The following TUNAR variants were observed in gnomAD, a reference collection of about 807,000 sequenced individuals.
TUNAR encodes protein TUNAR.
chr14:95,892,590 C>CT (rs750121903), intron 2 of TUNAR, among the ~76,000 whole-genome samples: 2 of 152,228 alleles, frequency 1.3e-5, no homozygotes, highest in Non-Finnish European at 2.9e-5. Flanking sequence ...TGGCCTGATT[C>CT]TTTTTCCCCA....
intron 2 of TUNAR, among the ~76,000 whole-genome samples, chr14:95,878,050 T>G (rs1264935439): frequency 6.6e-6 from 1 of 152,226 alleles, no homozygotes; most frequent in Non-Finnish European, 1.5e-5. Context: ...TACCTGCCCC[T>G]GGTTTTGTAA....
chr14:95,899,464 A>G (rs952681413), intron 2 of TUNAR, among the ~76,000 whole-genome samples: 28 of 152,256 alleles, frequency 1.8e-4, no homozygotes, highest in African/African-American at 6.5e-4. Context: ...CTTCACCTGC[A>G]TGCAGAATAA....
At chr14:95,909,063 G>C (rs866402967) in intron 2 of TUNAR, among the ~76,000 whole-genome samples, 1 of 152,146 alleles carries the variant, frequency 6.6e-6, no homozygotes, top group African/African-American at 2.4e-5. Context: ...GGGAAGTCTG[G>C]ACTAACAGAA....
intron 2 of TUNAR, among the ~76,000 whole-genome samples, chr14:95,886,582 T>G (rs1238179598): frequency 2.0e-5 from 3 of 152,208 alleles, no homozygotes; most frequent in Admixed American, 2.0e-4. Context: ...TCCCGGGCAG[T>G]CAGCCTCCTA....
chr14:95,918,553 T>C (rs1448270391), intron 2 of TUNAR, among the ~76,000 whole-genome samples: 1 of 152,216 alleles, frequency 6.6e-6, no homozygotes, highest in Non-Finnish European at 1.5e-5. Context: ...GTTTCCAAGT[T>C]GATGACTTAA....
At chr14:95,887,120 A>G (rs980223119) in intron 2 of TUNAR, among the ~76,000 whole-genome samples, 1 of 152,170 alleles carries the variant, frequency 6.6e-6, no homozygotes, top group African/African-American at 2.4e-5. Context: ...CCTGAAACGC[A>G]CCATCAGGTC....
At chr14:95,911,115 A>G (rs1239224185) in intron 2 of TUNAR, among the ~76,000 whole-genome samples, 4 of 152,234 alleles carry the variant, frequency 2.6e-5, no homozygotes, top group Admixed American at 2.6e-4. Flanking sequence ...GGTGCCTTGC[A>G]TGACTTACAA....
intron 2 of TUNAR, among the ~76,000 whole-genome samples, chr14:95,899,858 CAT>C (rs1183379700): frequency 3.3e-5 from 5 of 152,128 alleles, no homozygotes; most frequent in African/African-American, 1.2e-4. Flanking sequence ...TTTGGGGGGA[CAT>C]ATTTAGATCA....
intron 2 of TUNAR, chr14:95,896,031 C>T (rs546745475): frequency 6.6e-6 from 1 of 152,258 alleles, no homozygotes; most frequent in African/African-American, 2.4e-5. Context: ...GGCACTTGGT[C>T]GCATATTTGT....
intron 2 of TUNAR, among the ~76,000 whole-genome samples, chr14:95,917,776 T>C (rs1889629664): frequency 6.6e-6 from 1 of 152,244 alleles, no homozygotes; most frequent in Non-Finnish European, 1.5e-5. Flanking sequence ...AATACTGTTT[T>C]TTAAAAATTA....
intron 2 of TUNAR, among the ~76,000 whole-genome samples, chr14:95,917,059 G>T (rs1340569912): frequency 3.9e-5 from 6 of 152,218 alleles, no homozygotes; most frequent in African/African-American, 1.4e-4. Context: ...TTGATAAACA[G>T]ATATTGAATT....
intron 2 of TUNAR, among the ~76,000 whole-genome samples, chr14:95,889,482 C>T (rs1026542003): frequency 6.0e-5 from 9 of 151,176 alleles, no homozygotes; most frequent in African/African-American, 1.5e-4. Flanking sequence ...CCTCCTCCTC[C>T]GCCTCCACTA....
chr14:95,879,944 C>G (rs1038213835), intron 2 of TUNAR, among the ~76,000 whole-genome samples: 2 of 152,198 alleles, frequency 1.3e-5, no homozygotes, highest in African/African-American at 2.4e-5. Context: ...GGGGACACAG[C>G]CTGAGTGCTG....
chr14:95,918,361 G>C (rs74085765), intron 2 of TUNAR, among the ~76,000 whole-genome samples: 1 of 152,044 alleles, frequency 6.6e-6, no homozygotes, highest in African/African-American at 2.4e-5. Flanking sequence ...TTATTGTTCT[G>C]GTTTCTAGGC....
intron 2 of TUNAR, among the ~76,000 whole-genome samples, chr14:95,920,297 G>A (rs1015827700): frequency 6.6e-6 from 1 of 152,074 alleles, no homozygotes; most frequent in East Asian, 1.9e-4. Context: ...AGGCCCCTGG[G>A]TGCTGGAAGG....
chr14:95,914,771 C>G (rs762159152), intron 2 of TUNAR, among the ~76,000 whole-genome samples: 5 of 152,172 alleles, frequency 3.3e-5, no homozygotes, highest in Non-Finnish European at 5.9e-5. Flanking sequence ...CTACTGTTAT[C>G]CCTACTTTAT....
chr14:95,889,959 C>CAAAA (rs535897006), intron 2 of TUNAR, among the ~76,000 whole-genome samples: 6 of 92,190 alleles, frequency 6.5e-5, no homozygotes, highest in Non-Finnish European at 1.2e-4. Flanking sequence ...GACACAAAGA[C>CAAAA]AAAAAAAAAA....
At chr14:95,885,213 G>A (rs935412913) in intron 2 of TUNAR, among the ~76,000 whole-genome samples, 4 of 152,194 alleles carry the variant, frequency 2.6e-5, no homozygotes, top group South Asian at 2.1e-4. Context: ...ACCTTGAATC[G>A]TAAGGAGGGA....
intron 2 of TUNAR, among the ~76,000 whole-genome samples, chr14:95,921,871 T>C (rs1889703367): frequency 6.6e-6 from 1 of 152,258 alleles, no homozygotes; most frequent in African/African-American, 2.4e-5. Context: ...TTCCCTCCGC[T>C]AAGTGTCTGG....
Sources: gnomAD v4.1 joint callset for allele counts (sites outside exome capture counted in the v4.1 genomes callset) on GRCh38, gnomAD v4.1.1 for gene constraint, MANE v1.5 for transcripts, NCBI Gene and HGNC (gene_info 2026-07-23, HGNC 2026-07-21) for gene names.